The following DTHD1 variants were observed in gnomAD, a reference collection of about 807,000 sequenced individuals.
DTHD1 encodes the protein death domain-containing protein 1.
In DTHD1, 59 loss-of-function variants were observed where a neutral mutation model predicts 74.8. The observed-to-expected ratio is 0.79, with a 90% CI of 0.64 to 0.98. DTHD1 has a LOEUF of 0.98. DTHD1 is among the 50% of genes least tolerant of loss of function. The pLI, the probability that DTHD1 is intolerant of heterozygous loss-of-function variation, is 0.00. For missense variants in DTHD1, 1,051 were observed against 1,065.4 expected (o/e 0.99, Z 0.19); for synonymous variants, 365 against 371.1 (o/e 0.98, Z 0.19).
intron 8 of DTHD1, among the ~76,000 whole-genome samples, chr4:36,323,113 C>G (rs1018072144): frequency 6.6e-6 from 1 of 152,184 alleles, no homozygotes; most frequent in African/African-American, 2.4e-5. Context: ...TAAAACCTAA[C>G]CCACACATTT....
chr4:36,313,703 G>A (rs1757531747), intron 7 of DTHD1, among the ~76,000 whole-genome samples: 1 of 152,112 alleles, frequency 6.6e-6, no homozygotes, highest in African/African-American at 2.4e-5. Context: ...ATACATTTTA[G>A]GTCTCAATTG....
chr4:36,340,970 G>A (rs7668087), intron 9 of DTHD1, among the ~76,000 whole-genome samples: 9,060 of 152,118 alleles, frequency 0.06, 437 homozygotes, highest in Admixed American at 0.17. Context: ...GGGCTCCAAG[G>A]AGAGGAGTAA....
At chr4:36,289,603 T>C (rs1755932597) in intron 2 of DTHD1, among the ~76,000 whole-genome samples, 1 of 152,152 alleles carries the variant, frequency 6.6e-6, no homozygotes, top group Admixed American at 6.5e-5. Context: ...GAATAGTGTG[T>C]AACCTAAAAA....
At chr4:36,322,493 C>T (rs538725326) in intron 8 of DTHD1, among the ~76,000 whole-genome samples, 3 of 152,080 alleles carry the variant, frequency 2.0e-5, no homozygotes, top group South Asian at 2.1e-4. Flanking sequence ...GAGGAGCAAC[C>T]GGAGACCAGA....
At chr4:36,314,068 T>TG (rs1399890725) in intron 7 of DTHD1, among the ~76,000 whole-genome samples, 5 of 127,474 alleles carry the variant, frequency 3.9e-5, no homozygotes, top group African/African-American at 1.6e-4. Context: ...CCTAGGAATC[T>TG]GTTTTTTTTT....
At chr4:36,333,667 A>G (rs1208645565) in intron 8 of DTHD1, 2 of 152,352 alleles carry the variant, frequency 1.3e-5, no homozygotes, top group Non-Finnish European at 2.9e-5. Context: ...CACAGATGTC[A>G]TCTGGACCTA....
rs112748315 is a variant in DTHD1, at chr4:36,347,071, G to A, written c.*3247G>A. On this transcript the variant is annotated 3_prime_UTR_variant, in exon 10 of 10. Coordinates refer to ENST00000639862, the MANE Select transcript of DTHD1 (RefSeq NM_001170700.3). ...ACACCTTTCTTATGCTCCTAGCAAC[G>A]TATACATGTATTTTATTTCCCAGAA... is the stretch of plus-strand genomic sequence containing the variant. Among the ~76,000 whole-genome samples, 2 of 151,982 alleles carry A rather than the reference G, an allele frequency of 1.3e-5. No individual in the cohort carries two copies. The highest frequency in any genetic ancestry group is 2.4e-5 in the African/African-American group (1 of 41,370).
At position 36,308,383 on chromosome 4, in the gene DTHD1, A is replaced by G; in HGVS notation, c.1985A>G (p.Lys662Arg). The G allele has an allele frequency of 1.3e-6, 2 of 1,551,846 alleles. No homozygotes were observed. Among genetic ancestry groups the G allele is most frequent in the Non-Finnish European group, 1.7e-6 (2 of 1,147,012 alleles). Reference sequence around the variant, plus strand: ...TCCAAAGATTTAAGCCAGGTGCTTAAGGACCTGCACTTGGAAGGGTTTGGA... The same window carrying G: ...TCCAAAGATTTAAGCCAGGTGCTTAGGGACCTGCACTTGGAAGGGTTTGGA... ...VPSKDLSQVL[K>R]DLHLEGFGGP... Residue 662 changes from lysine (K) to arginine (R), a missense_variant, in exon 7 of 10, where the codon AAG becomes AGG. Coordinates refer to ENST00000639862, the MANE Select transcript of DTHD1 (RefSeq NM_001170700.3).
At position 36,320,163 on chromosome 4, in the gene DTHD1, G is replaced by A. The variant is rs1013942738; in HGVS notation, c.2340+3677G>A. On this transcript the variant is annotated intron_variant, in intron 8 of 9. Transcript: ENST00000639862. ...TCTCCTTGTGAAATTTTATTACCAC[G>A]GATATACTGTATGTCTATGTACCAT... 2.0e-5 allele frequency among the ~76,000 whole-genome samples: 3 copies of A among 151,680 alleles called. No homozygotes were observed. In the East Asian group the frequency reaches 5.8e-4, roughly 29 times the overall value.
At position 36,290,395 on chromosome 4, in the gene DTHD1, G is replaced by A. The variant is rs200576831; in HGVS notation, c.910G>A (p.Val304Ile). The A allele has an allele frequency of 2.3e-4, 364 of 1,550,744 alleles. 3 individuals carry two copies. In the East Asian group the frequency reaches 7.0e-3, roughly 30 times the overall value. The change falls in exon 3 of 10, where the codon GTT becomes ATT. Residue 304 changes from valine to isoleucine, a missense_variant. By Grantham distance (29) the Val-to-Ile change is conservative. Coordinates refer to ENST00000639862, the MANE Select transcript of DTHD1 (RefSeq NM_001170700.3). Reference protein sequence around the residue: ...EKEYLDVLSDVTGPQVSCYIT... With the variant: ...EKEYLDVLSDITGPQVSCYIT... Reference sequence around the variant, plus strand: ...CAGGTATCTTGATGTGCTGAGTGATGTTACTGGCCCCCAAGTGTCTTGTTA... The same window carrying A: ...CAGGTATCTTGATGTGCTGAGTGATATTACTGGCCCCCAAGTGTCTTGTTA...
At chr4:36,327,094 G>A (rs1481143354) in intron 8 of DTHD1, among the ~76,000 whole-genome samples, 2 of 151,758 alleles carry the variant, frequency 1.3e-5, no homozygotes, top group African/African-American at 4.8e-5. Flanking sequence ...AGCCTCCCAA[G>A]TAGCTAGGAT....
chr4:36,286,411 T>C (rs1312560301), intron 2 of DTHD1, among the ~76,000 whole-genome samples: 1 of 152,168 alleles, frequency 6.6e-6, no homozygotes, highest in Non-Finnish European at 1.5e-5. Flanking sequence ...TGAGTACTCA[T>C]TGCAATCCCT....
intron 8 of DTHD1, among the ~76,000 whole-genome samples, chr4:36,337,941 C>T (rs1034473004): frequency 6.6e-6 from 1 of 152,040 alleles, no homozygotes; most frequent in Middle Eastern, 3.2e-3. Context: ...TATTCTTTAC[C>T]CAGATTTCCT....
chr4:36,297,106 G>T (rs576270617), intron 5 of DTHD1, among the ~76,000 whole-genome samples: 1 of 152,212 alleles, frequency 6.6e-6, no homozygotes, highest in South Asian at 2.1e-4. Flanking sequence ...TAATCATCAA[G>T]GTTTTTATCC....
At chr4:36,297,727 T>G (rs1237444093) in intron 5 of DTHD1, among the ~76,000 whole-genome samples, 1 of 152,090 alleles carries the variant, frequency 6.6e-6, no homozygotes, top group East Asian at 1.9e-4. Context: ...GGAATAGATA[T>G]TAAACTGTAC....
At position 36,308,213 on chromosome 4, in the gene DTHD1, A is replaced by G. The variant is rs1288333579; in HGVS notation, c.1815A>G (p.Val605=). Reference sequence around the variant, plus strand: ...TCTTTCTTCCATGCAGGTTTATTGTACTTCACCTCTCTTCCACCATGGACA... The same window carrying G: ...TCTTTCTTCCATGCAGGTTTATTGTGCTTCACCTCTCTTCCACCATGGACA... ...ELYEHLERFI[V]LHLSSTMDNS... is the part of the protein sequence containing the mutation. Residue 605 remains valine (V), a synonymous_variant, in exon 7 of 10, where the codon GTA becomes GTG. Transcript: ENST00000639862. The G allele has an allele frequency of 1.3e-6, 2 of 1,552,146 alleles. No individual in the cohort carries two copies. The highest frequency in any genetic ancestry group is 1.2e-5 in the South Asian group (1 of 84,046).
At chr4:36,308,568 T>G (rs976860039) in intron 7 of DTHD1, 75 bp downstream of exon 7, 1 of 1,259,650 alleles carries the variant, frequency 7.9e-7, no homozygotes, top group African/African-American at 1.5e-5. Context: ...TTGCTAAACT[T>G]GTGTTACTAA....
chr4:36,318,789 T>C (rs1010264441), intron 8 of DTHD1, among the ~76,000 whole-genome samples: 7 of 152,102 alleles, frequency 4.6e-5, no homozygotes, highest in African/African-American at 1.7e-4. Context: ...TAATTTTTTG[T>C]ATTTTTAGTA....
At chr4:36,283,561 GC>G (rs888034614) in intron 1 of DTHD1, among the ~76,000 whole-genome samples, 4 of 152,112 alleles carry the variant, frequency 2.6e-5, no homozygotes, top group African/African-American at 9.7e-5. Flanking sequence ...CTAATTTTCA[GC>G]CCAGCATTTT....
Sources: allele counts gnomAD v4.1 joint callset (sites outside exome capture counted in the v4.1 genomes callset), GRCh38; gene constraint gnomAD v4.1.1; transcripts MANE v1.5; gene names NCBI Gene and HGNC (gene_info 2026-07-23, HGNC 2026-07-21).